Variants in PPP2R2B observed in about 807,000 individuals in gnomAD.
PPP2R2B encodes the protein protein phosphatase 2 regulatory subunit Bbeta, also known as serine/threonine-protein phosphatase 2A 55 kDa regulatory subunit B beta isoform.
PPP2R2B carries 5 observed loss-of-function variants against 46.0 expected under a neutral mutation model. The ratio of observed to expected loss-of-function variants is 0.11; its 90% CI spans 0.06 to 0.23. PPP2R2B has a LOEUF of 0.23. PPP2R2B is among the 10% of genes least tolerant of loss of function. PPP2R2B has a pLI of 1.00. For missense variants in PPP2R2B, 367 were observed against 575.0 expected (o/e 0.64, Z 3.70); for synonymous variants, 215 against 206.7 (o/e 1.04, Z -0.34).
chr5:146,771,567 T>C (rs937040713), intron 2 of PPP2R2B, among the ~76,000 whole-genome samples: 3 of 152,140 alleles, frequency 2.0e-5, no homozygotes, highest in African/African-American at 7.2e-5. Context: ...AGTTACAAAC[T>C]CAAGTGTCAA....
At chr5:146,819,554 T>C (rs1198653382) in intron 2 of PPP2R2B, among the ~76,000 whole-genome samples, 1 of 152,156 alleles carries the variant, frequency 6.6e-6, no homozygotes, top group Non-Finnish European at 1.5e-5. Context: ...TTCCAGAAAA[T>C]GTACTATTTA....
intron 1 of PPP2R2B, among the ~76,000 whole-genome samples, chr5:146,890,535 A>G (rs1405268639): frequency 6.6e-6 from 1 of 152,200 alleles, no homozygotes; most frequent in African/African-American, 2.4e-5. Flanking sequence ...CATTATGCAA[A>G]AAAGGTTGTC....
chr5:146,985,209 C>CA (rs1753369836), intron 1 of PPP2R2B, among the ~76,000 whole-genome samples: 1 of 151,674 alleles, frequency 6.6e-6, no homozygotes, highest in Non-Finnish European at 1.5e-5. Flanking sequence ...TTAGTAGAGA[C>CA]AGGGTTTCAC....
At chr5:146,863,836 C>G (rs985128643) in intron 2 of PPP2R2B, among the ~76,000 whole-genome samples, 5 of 152,148 alleles carry the variant, frequency 3.3e-5, no homozygotes, top group African/African-American at 1.2e-4. Flanking sequence ...AATACTCAGG[C>G]TAAATGAATT....
intron 2 of PPP2R2B, among the ~76,000 whole-genome samples, chr5:146,730,419 T>C (rs960840139): frequency 3.2e-4 from 49 of 152,166 alleles, no homozygotes; most frequent in African/African-American, 1.2e-3. Context: ...TTTGGGGGAC[T>C]ACTGGGGAGG....
chr5:147,032,791 CTATTG>C (rs1354694607), intron 1 of PPP2R2B, among the ~76,000 whole-genome samples: 8 of 152,260 alleles, frequency 5.3e-5, no homozygotes, highest in African/African-American at 1.9e-4. Context: ...CACAATTTTG[CTATTG>C]TAAATTGTGC....
intron 1 of PPP2R2B, among the ~76,000 whole-genome samples, chr5:146,986,219 G>C (rs182571265): frequency 6.6e-6 from 1 of 152,300 alleles, no homozygotes; most frequent in Admixed American, 6.5e-5. Context: ...GTTTGGGAGA[G>C]AGAGAGAAAA....
chr5:146,788,104 C>G (rs1755958575), intron 2 of PPP2R2B, among the ~76,000 whole-genome samples: 3 of 152,086 alleles, frequency 2.0e-5, no homozygotes, highest in African/African-American at 7.2e-5. Context: ...CTCCTCCATG[C>G]CGTTGTGTGA....
chr5:146,983,256 C>A (rs990546504), intron 1 of PPP2R2B, among the ~76,000 whole-genome samples: 2 of 138,010 alleles, frequency 1.4e-5, no homozygotes, highest in Non-Finnish European at 3.1e-5. Context: ...TCTCGGCTCA[C>A]TGCAAGCTCC....
intron 2 of PPP2R2B, among the ~76,000 whole-genome samples, chr5:146,722,956 G>A (rs1484557733): frequency 1.3e-5 from 2 of 152,120 alleles, no homozygotes; most frequent in Non-Finnish European, 2.9e-5. Flanking sequence ...CTTTGTATGT[G>A]CCTTTCTCTG....
chr5:147,028,833 C>T (rs1016387189), intron 1 of PPP2R2B, among the ~76,000 whole-genome samples: 4 of 152,178 alleles, frequency 2.6e-5, no homozygotes, highest in African/African-American at 4.8e-5. Context: ...TCCTTAACAA[C>T]CATTGATATT....
rs1176807761 is a variant in PPP2R2B at position 146,683,519 on chromosome 5, G to T, written c.447+7609C>A. Among the ~76,000 whole-genome samples, 3 of 152,302 alleles carry T rather than the reference G, an allele frequency of 2.0e-5. No homozygotes were observed. In the East Asian group the frequency reaches 5.8e-4, roughly 29 times the overall value. On this transcript the variant is annotated intron_variant, in intron 5 of 9. Coordinates refer to ENST00000394411, the MANE Select transcript of PPP2R2B (RefSeq NM_181675.4). Reference sequence around the variant, plus strand: ...GCCTATGTTATAGGTTTATCTTGAAGATTAAATTAGCCAATGCATGCAAAA... The same window carrying T: ...GCCTATGTTATAGGTTTATCTTGAATATTAAATTAGCCAATGCATGCAAAA...
At chr5:146,936,149 A>G (rs538639887) in intron 1 of PPP2R2B, among the ~76,000 whole-genome samples, 6 of 152,268 alleles carry the variant, frequency 3.9e-5, no homozygotes, top group African/African-American at 1.4e-4. Context: ...GCAGAGCCAC[A>G]TATGTTGACA....
intron 1 of PPP2R2B, among the ~76,000 whole-genome samples, chr5:146,939,341 A>G (rs1764251850): frequency 6.6e-6 from 1 of 152,200 alleles, no homozygotes; most frequent in Non-Finnish European, 1.5e-5. Flanking sequence ...ATGTAATCTT[A>G]GTCTGAGGCA....
intron 2 of PPP2R2B, among the ~76,000 whole-genome samples, chr5:146,743,240 G>T (rs1379227415): frequency 1.3e-5 from 2 of 152,174 alleles, no homozygotes; most frequent in Non-Finnish European, 2.9e-5. Flanking sequence ...TGGGTGGGTG[G>T]AGGAAGAATT....
intron 2 of PPP2R2B, among the ~76,000 whole-genome samples, chr5:147,065,752 G>A (rs1254047420): frequency 6.6e-6 from 1 of 152,064 alleles, no homozygotes; most frequent in Non-Finnish European, 1.5e-5. Flanking sequence ...AGTTAGGAAG[G>A]CAGAGCCAAG....
At chr5:146,790,151 T>C (rs1312327773) in intron 2 of PPP2R2B, among the ~76,000 whole-genome samples, 1 of 152,178 alleles carries the variant, frequency 6.6e-6, no homozygotes, top group Non-Finnish European at 1.5e-5. Flanking sequence ...CTAGGGATTA[T>C]CCAGCCCCAG....
chr5:146,658,823 C>T (rs1236318012), intron 5 of PPP2R2B, among the ~76,000 whole-genome samples: 1 of 152,136 alleles, frequency 6.6e-6, no homozygotes, highest in African/African-American at 2.4e-5. Flanking sequence ...CATAGACGCC[C>T]CCATCCCCAG....
At chr5:146,910,604 GATAAA>G (rs1330683604) in intron 1 of PPP2R2B, among the ~76,000 whole-genome samples, 1 of 152,134 alleles carries the variant, frequency 6.6e-6, no homozygotes, top group Non-Finnish European at 1.5e-5. Flanking sequence ...GTGTAGTAAG[GATAAA>G]ATAAAATAAT....
Sources: allele counts gnomAD v4.1 joint callset (sites outside exome capture counted in the v4.1 genomes callset), GRCh38; gene constraint gnomAD v4.1.1; transcripts MANE v1.5; gene names NCBI Gene and HGNC (gene_info 2026-07-23, HGNC 2026-07-21).